The following PIP5K1C variants were observed in gnomAD, a reference collection of about 807,000 sequenced individuals.
PIP5K1C encodes phosphatidylinositol-4-phosphate 5-kinase type 1 gamma.
PIP5K1C carries 45 observed loss-of-function variants against 80.1 expected under a neutral mutation model. That is an observed-to-expected ratio of 0.56 (90% CI 0.44 to 0.72). The LOEUF (loss-of-function observed/expected upper bound fraction) is 0.72, where lower values mean the gene tolerates loss of function less well. Among genes scored for constraint, PIP5K1C ranks in the 30% least tolerant of loss-of-function variants. The pLI, the probability that PIP5K1C is intolerant of heterozygous loss-of-function variation, is 0.00. For synonymous variants in PIP5K1C, 498 were observed against 420.1 expected (o/e 1.19, Z -2.27); for missense variants, 753 against 954.6 (o/e 0.79, Z 2.78).
intron 2 of PIP5K1C, 60 bp downstream of exon 2, chr19:3,667,262 G>C: frequency 6.8e-7 from 1 of 1,475,136 alleles, no homozygotes; most frequent in Non-Finnish European, 9.4e-7. Context: ...TTCTCCGCGA[G>C]TAGGGAGGCA....
At chr19:3,656,265 G>T (rs2034627788) in intron 6 of PIP5K1C, 140 bp downstream of exon 6, 6 of 882,630 alleles carry the variant, frequency 6.8e-6, no homozygotes, top group Non-Finnish European at 5.5e-6. Context: ...ACCCCCGAGG[G>T]TGAGTCCCCG....
intron 1 of PIP5K1C, among the ~76,000 whole-genome samples, chr19:3,694,995 G>A (rs934336384): frequency 1.3e-5 from 2 of 152,252 alleles, no homozygotes; most frequent in Admixed American, 1.3e-4. Context: ...GCAGCGTGGG[G>A]GCCACCAAGG....
In PIP5K1C at chr19:3,692,766, G is replaced by T. The variant is rs1030703044; in HGVS notation, c.94+7531C>A. 1.3e-5 allele frequency among the ~76,000 whole-genome samples: 2 copies of T among 151,914 alleles called. No individual in the cohort carries two copies. Among genetic ancestry groups the T allele is most frequent in the African/African-American group, 4.8e-5 (2 of 41,338 alleles). On this transcript the variant is annotated intron_variant, in intron 1 of 17. Transcript: ENST00000335312. The surrounding 1 kb of genome is among the most constrained non-coding windows in gnomAD (Gnocchi z 5.2). The stretch of plus-strand genomic sequence containing the variant: ...CTCCATGGCTCCCACCTCCCTTGGG[G>T]TCAAAGCCCAAGTCCTCCCTGCAGC...
At chr19:3,678,166 A>G (rs1485540104) in intron 1 of PIP5K1C, among the ~76,000 whole-genome samples, 9 of 84,578 alleles carry the variant, frequency 1.1e-4, no homozygotes, top group South Asian at 4.8e-4. Flanking sequence ...AGGGATGGAG[A>G]GATGGAGGGA....
At chr19:3,665,742 C>A (rs1053873849) in intron 2 of PIP5K1C, among the ~76,000 whole-genome samples, 1 of 152,160 alleles carries the variant, frequency 6.6e-6, no homozygotes, top group Non-Finnish European at 1.5e-5. Context: ...GGACCGCCGA[C>A]CCCAGGGGGC....
At chr19:3,661,203 T>G in intron 4 of PIP5K1C, 120 bp from the exon 5 acceptor site, 1 of 659,004 alleles carries the variant, frequency 1.5e-6, no homozygotes, top group Non-Finnish European at 2.7e-6. Flanking sequence ...CTCCAAGACT[T>G]CCTTGAAACG....
rs56125777 is a variant in PIP5K1C, at chr19:3,639,152, G to A, written c.1788-136C>T. 0.045 allele frequency: 43,974 copies of A among 968,932 alleles called. 1,216 individuals carry two copies. The highest frequency in any genetic ancestry group is 0.067 in the Middle Eastern group (229 of 3,406). 60.0% of individuals were successfully genotyped at this position (968,932 alleles called of 1,614,324 possible). A position where few individuals can be genotyped will look rare whatever the true frequency, so the allele number is the denominator to read the frequency against. Reference sequence around the variant, plus strand: ...AAAGCCAGGCAGCTGACCACAGGCCGCGCGCTCCTGCGCTGCCATTTATCG... The same window carrying A: ...AAAGCCAGGCAGCTGACCACAGGCCACGCGCTCCTGCGCTGCCATTTATCG... On this transcript the variant is annotated intron_variant, in intron 15 of 17. Coordinates refer to ENST00000335312, the MANE Select transcript of PIP5K1C (RefSeq NM_012398.3).
intron 1 of PIP5K1C, among the ~76,000 whole-genome samples, chr19:3,690,409 G>A (rs1230918258): frequency 1.3e-5 from 2 of 151,776 alleles, no homozygotes; most frequent in Admixed American, 1.3e-4. Flanking sequence ...TTTGAACCCA[G>A]GAGGTCGAGG....
rs535221196 is a variant in PIP5K1C, at chr19:3,638,741, G to C, written c.1920+143C>G. The C allele has an allele frequency of 5.7e-6, 6 of 1,061,946 alleles. No homozygotes were observed. In the South Asian group the frequency reaches 6.6e-5, roughly 12 times the overall value. 65.8% of individuals were successfully genotyped at this position (1,061,946 alleles called of 1,614,324 possible). A position where few individuals can be genotyped will look rare whatever the true frequency, so the allele number is the denominator to read the frequency against. ...TGGGCGTGTCGTGAGAGTGCTGGCT[G>C]GTGAGAGAGCATGTGGGTGGGTCGA... On this transcript the variant is annotated intron_variant, in intron 16 of 17. Transcript: ENST00000335312.
chr19:3,691,463 C>A (rs558176706), intron 1 of PIP5K1C, among the ~76,000 whole-genome samples: 1 of 152,288 alleles, frequency 6.6e-6, no homozygotes, highest in South Asian at 2.1e-4. Context: ...CAAACTCTCA[C>A]GCGCCACGCC....
intron 1 of PIP5K1C, among the ~76,000 whole-genome samples, chr19:3,674,612 C>T (rs931315810): frequency 2.0e-5 from 3 of 152,206 alleles, no homozygotes; most frequent in Non-Finnish European, 4.4e-5. Context: ...AAGCGATTCT[C>T]CTGCCTCAGC....
chr19:3,644,337 A>C, intron 11 of PIP5K1C, 86 bp from the exon 12 acceptor site: 1 of 1,374,588 alleles, frequency 7.3e-7, no homozygotes. Context: ...CATATACCCC[A>C]CGTCCCTGTG....
At position 3,648,664 on chromosome 19, in the gene PIP5K1C, A is replaced by T; in HGVS notation, c.1172T>A (p.Leu391Gln). The T allele has an allele frequency of 6.2e-7, 1 of 1,613,006 alleles. No individual in the cohort carries two copies. The change falls in exon 9 of 18, where the codon CTG becomes CAG. Residue 391 changes from leucine (L) to glutamine (Q), a missense_variant. Physicochemically the swap from Leu to Gln is moderately radical, Grantham distance 113. Coordinates refer to ENST00000335312, the MANE Select transcript of PIP5K1C (RefSeq NM_012398.3). The surrounding 1 kb of genome is among the most constrained non-coding windows in gnomAD (Gnocchi z 4.3). ...PAVNGRGERL[L>Q]LHIGIIDILQ... is the part of the protein sequence containing the mutation. The stretch of plus-strand genomic sequence containing the variant: ...GATGTCGATGATGCCAATGTGCAGC[A>T]GCAGCCGCTCCCCGCGGCCGTTCAC...
At chr19:3,654,281 C>T (rs1026730096) in intron 6 of PIP5K1C, among the ~76,000 whole-genome samples, 2 of 152,246 alleles carry the variant, frequency 1.3e-5, no homozygotes, top group African/African-American at 4.8e-5. Context: ...CAAGCAGGCA[C>T]TGGGTGACTC....
intron 1 of PIP5K1C, among the ~76,000 whole-genome samples, chr19:3,674,496 C>T (rs1027322317): frequency 2.3e-4 from 34 of 148,836 alleles, no homozygotes; most frequent in Non-Finnish European, 4.0e-4. Context: ...CTGCAGATCT[C>T]GGCTCACTAC....
chr19:3,659,194 C>T (rs1045024756), intron 5 of PIP5K1C, among the ~76,000 whole-genome samples: 12 of 152,356 alleles, frequency 7.9e-5, no homozygotes, highest in South Asian at 2.1e-4. Flanking sequence ...GACAGCAACA[C>T]GCACACTAGC....
intron 16 of PIP5K1C, among the ~76,000 whole-genome samples, chr19:3,634,291 C>G (rs2033584299): frequency 6.6e-6 from 1 of 152,034 alleles, no homozygotes; most frequent in Non-Finnish European, 1.5e-5. Flanking sequence ...CTGAGGAGCC[C>G]CCACCCCCTC....
intron 16 of PIP5K1C, among the ~76,000 whole-genome samples, chr19:3,636,034 G>A (rs1322789568): frequency 6.6e-6 from 1 of 152,098 alleles, no homozygotes; most frequent in Non-Finnish European, 1.5e-5. Context: ...GCAGGCGCCT[G>A]TAATCTCAGC....
At chr19:3,699,102 C>G (rs1303198491) in intron 1 of PIP5K1C, among the ~76,000 whole-genome samples, 1 of 152,046 alleles carries the variant, frequency 6.6e-6, no homozygotes, top group Non-Finnish European at 1.5e-5. Context: ...CTCTGACCAG[C>G]TGGGGTCAGA....
Sources: gnomAD v4.1 joint callset for allele counts (sites outside exome capture counted in the v4.1 genomes callset) on GRCh38, gnomAD v4.1.1 for gene constraint, Gnocchi (gnomAD v3.1) non-coding constraint, MANE v1.5 for transcripts, NCBI Gene and HGNC (gene_info 2026-07-23, HGNC 2026-07-21) for gene names.